Variants in DCAF8L2 observed in about 807,000 individuals in gnomAD.
DCAF8L2 encodes DDB1- and CUL4-associated factor 8-like protein 2.
For missense variants in DCAF8L2, 430 were observed against 490.7 expected, an observed-to-expected ratio of 0.88 and a Z score of 1.17; for synonymous variants, 200 against 190.9, an observed-to-expected ratio of 1.05 and a Z score of -0.39.
At chrX:27,656,971 A>T (rs1224844645) in intron 2 of DCAF8L2, among the ~76,000 whole-genome samples, 2 of 110,880 alleles carry the variant, frequency 1.8e-5, no homozygotes, top group Non-Finnish European at 1.9e-5. Context: ...CATTTGAGTC[A>T]GTGGGCTGGG....
intron 2 of DCAF8L2, among the ~76,000 whole-genome samples, chrX:27,654,016 C>G (rs1307343274): frequency 9.0e-6 from 1 of 111,306 alleles, no homozygotes; most frequent in Admixed American, 9.6e-5. Context: ...ATTTTCTTCT[C>G]CATCCCTTAA....
At chrX:27,713,062 G>A (rs769194457) in intron 3 of DCAF8L2, among the ~76,000 whole-genome samples, 18 of 111,797 alleles carry the variant, frequency 1.6e-4, no homozygotes, top group African/African-American at 5.8e-4. Flanking sequence ...AGAGGTCTGA[G>A]TTGGAAAGAG....
chrX:27,702,466 G>T (rs987001980), intron 3 of DCAF8L2, among the ~76,000 whole-genome samples: 1 of 107,108 alleles, frequency 9.3e-6, no homozygotes, highest in Non-Finnish European at 1.9e-5. Flanking sequence ...AAAAAAACTA[G>T]ACAACTGAAT....
chrX:27,746,948 G>A lies in DCAF8L2; in HGVS notation c.53G>A (p.Ser18Asn), dbSNP rs183301101. 138 of 1,203,638 alleles carry A rather than the reference G, an allele frequency of 1.1e-4. No individual in the cohort carries two copies. In the African/African-American group the frequency reaches 2.0e-3, roughly 17 times the overall value. The change falls in exon 5 of 5, where the codon AGC becomes AAC. Residue 18 changes from serine (S) to asparagine (N), a missense_variant. By Grantham distance (46) the Ser-to-Asn change is conservative (BLOSUM62 1). Coordinates refer to ENST00000451261, the MANE Select transcript of DCAF8L2 (RefSeq NM_001353450.2). The part of the protein sequence containing the change: ...TDGLPDLGTE[S>N]LFSSPEEQSG... ...GGCTTACCAGACTTAGGGACTGAAA[G>A]CCTGTTCAGCAGCCCAGAGGAGCAG... is the stretch of plus-strand genomic sequence containing the variant.
At chrX:27,501,227 G>A in the DCAF8L2 span, among the ~76,000 whole-genome samples, 1 of 99,234 alleles carries the variant, frequency 1.0e-5, no homozygotes, top group African/African-American at 3.8e-5. Context: ...ACAGCTCCTC[G>A]TCCTACCTCC....
At chrX:27,538,492 CA>C in the DCAF8L2 span, among the ~76,000 whole-genome samples, 1 of 110,679 alleles carries the variant, frequency 9.0e-6, no homozygotes, top group Non-Finnish European at 1.9e-5. Flanking sequence ...CTCCCAGGTT[CA>C]AGTGATTCTC....
intron 3 of DCAF8L2, among the ~76,000 whole-genome samples, chrX:27,708,148 C>T (rs1262014263): frequency 9.0e-6 from 1 of 111,253 alleles, no homozygotes; most frequent in East Asian, 2.8e-4. Flanking sequence ...AGTTTTTCAA[C>T]CCTTGCCTCC....
At chrX:27,526,984 G>A in the DCAF8L2 span, among the ~76,000 whole-genome samples, 4 of 112,505 alleles carry the variant, frequency 3.6e-5, no homozygotes, top group African/African-American at 9.7e-5. Context: ...GGACCCACTT[G>A]AGGAGGCAGT....
upstream of DCAF8L2, among the ~76,000 whole-genome samples, chrX:27,587,106 G>GA (rs899630902): frequency 3.7e-5 from 4 of 108,696 alleles, no homozygotes; most frequent in Non-Finnish European, 5.8e-5. Context: ...CTTGCCAACA[G>GA]AAAAAAAAAT....
chrX:27,745,795 TA>T lies in DCAF8L2; in HGVS notation c.-58-1041del, dbSNP rs756851134. 6.3e-5 allele frequency among the ~76,000 whole-genome samples: 7 copies of T among 111,979 alleles called. No individual in the cohort carries two copies. In the East Asian group the frequency reaches 2.0e-3, roughly 32 times the overall value. ...CAGAGAAACTATTAAATTAACACAG[TA>T]ATGCCAATTAACTGTCTCTGTAGAG... is the stretch of plus-strand genomic sequence containing the variant. On this transcript the variant is annotated intron_variant, in intron 4 of 4. Transcript: ENST00000451261.
intron 2 of DCAF8L2, among the ~76,000 whole-genome samples, chrX:27,661,384 T>C (rs1383615597): frequency 2.7e-5 from 3 of 111,901 alleles, no homozygotes; most frequent in African/African-American, 9.7e-5. Context: ...TGTTCTCTGC[T>C]AGAACTTCCA....
intron 1 of DCAF8L2, among the ~76,000 whole-genome samples, chrX:27,620,480 G>A (rs953684386): frequency 2.7e-5 from 3 of 111,818 alleles, no homozygotes; most frequent in African/African-American, 9.7e-5. Flanking sequence ...TATATCTGAT[G>A]AAAGATAATG....
chrX:27,493,811 G>A, the DCAF8L2 span, among the ~76,000 whole-genome samples: 8 of 109,806 alleles, frequency 7.3e-5, no homozygotes, highest in South Asian at 3.9e-4. Flanking sequence ...CCCTGGCAAC[G>A]TGACCTCTAA....
At chrX:27,653,728 A>ACG (rs1929239346) in intron 2 of DCAF8L2, among the ~76,000 whole-genome samples, 1 of 96,918 alleles carries the variant, frequency 1.0e-5, no homozygotes, top group Non-Finnish European at 2.1e-5. Context: ...ATATGTATAC[A>ACG]CACACACACA....
chrX:27,499,340 T>C, the DCAF8L2 span, among the ~76,000 whole-genome samples: 1 of 112,303 alleles, frequency 8.9e-6, no homozygotes, highest in South Asian at 3.7e-4. Flanking sequence ...TGAACACCTT[T>C]TCATATACCT....
chrX:27,642,846 A>G (rs5971423), intron 2 of DCAF8L2, among the ~76,000 whole-genome samples: 21,906 of 111,312 alleles, frequency 0.2, 1,851 homozygotes, highest in East Asian at 0.44. Context: ...TCTCAATAAT[A>G]GTGATGTACA....
At chrX:27,522,706 T>A in the DCAF8L2 span, among the ~76,000 whole-genome samples, 4,434 of 112,307 alleles carry the variant, frequency 0.039, 218 homozygotes, top group African/African-American at 0.14. Flanking sequence ...TTTATTTCAC[T>A]TAGCATAATG....
chrX:27,709,212 G>A (rs761591330), intron 3 of DCAF8L2, among the ~76,000 whole-genome samples: 23 of 112,109 alleles, frequency 2.1e-4, no homozygotes, highest in African/African-American at 6.2e-4. Flanking sequence ...GAGCCACCGC[G>A]CCCGACCAGT....
chrX:27,746,848 G>A lies in DCAF8L2; in HGVS notation c.-48G>A. On this transcript the variant is annotated 5_prime_UTR_variant, in exon 5 of 5. Coordinates refer to ENST00000451261, the MANE Select transcript of DCAF8L2 (RefSeq NM_001353450.2). ...CAACTTTCTTCCCAGAGCTTTTAGG[G>A]GCCTGGCCTTTGCAGTTCCAGATCT... 8.8e-7 allele frequency: 1 copy of A among 1,134,578 alleles called. No homozygotes were observed. 93.5% of individuals were successfully genotyped at this position (1,134,578 alleles called of 1,213,427 possible). A position where few individuals can be genotyped will look rare whatever the true frequency, so the allele number is the denominator to read the frequency against.
Sources: gnomAD v4.1 joint callset for allele counts (sites outside exome capture counted in the v4.1 genomes callset) on GRCh38, gnomAD v4.1.1 for gene constraint, MANE v1.5 for transcripts, NCBI Gene and HGNC (gene_info 2026-07-23, HGNC 2026-07-21) for gene names.